SLC38A4: variants seen among roughly 807,000 people sequenced by gnomAD.
The protein encoded by SLC38A4 is solute carrier family 38 member 4.
SLC38A4 carries 20 observed loss-of-function variants against 63.1 expected under a neutral mutation model. That is an observed-to-expected ratio of 0.32 (90% confidence interval 0.22 to 0.46). The LOEUF (loss-of-function observed/expected upper bound fraction) is 0.46, where lower values mean the gene tolerates loss of function less well. Among genes scored for constraint, SLC38A4 ranks in the 20% least tolerant of loss-of-function variants. The pLI is 1.00. For missense variants in SLC38A4, 526 were observed against 663.6 expected (o/e 0.79, Z 2.28); for synonymous variants, 230 against 225.5 (o/e 1.02, Z -0.18).
chr12:46,775,060 C>T lies in SLC38A4; in HGVS notation c.1288G>A (p.Val430Ile). 6.2e-7 allele frequency: 1 copy of T among 1,612,516 alleles called. No individual in the cohort carries two copies. Among genetic ancestry groups the T allele is most frequent in the Non-Finnish European group, 8.5e-7 (1 of 1,178,990 alleles). ...LVAVTLTVPIVLFPIRTSVIT... is the reference protein window; with the variant it reads ...LVAVTLTVPIILFPIRTSVIT... Reference sequence around the variant, plus strand: ...TCTTATGTACTTACTGGGAAGAGGACAATGGGCACAGTTAGTGTTACTGCC... The same window carrying T: ...TCTTATGTACTTACTGGGAAGAGGATAATGGGCACAGTTAGTGTTACTGCC... Residue 430 changes from valine to isoleucine, a missense_variant, in exon 14 of 17, where the codon GTC (valine) becomes ATC (isoleucine). Val to Ile is a conservative substitution (Grantham distance 29, BLOSUM62 3). Coordinates refer to ENST00000266579, the MANE Select transcript of SLC38A4 (RefSeq NM_018018.5).
At chr12:46,785,023 C>T in intron 6 of SLC38A4, 81 bp downstream of exon 6, 1 of 1,126,136 alleles carries the variant, frequency 8.9e-7, no homozygotes, top group Middle Eastern at 2.0e-4. Flanking sequence ...CTATAATCAT[C>T]CTAAGGTTAT....
upstream of SLC38A4, among the ~76,000 whole-genome samples, chr12:46,828,304 T>C (rs1302762668): frequency 1.3e-5 from 2 of 152,172 alleles, no homozygotes; most frequent in African/African-American, 4.8e-5. Flanking sequence ...TTTTTTATTT[T>C]TATTTTTGTT....
At chr12:46,807,365 G>T (rs1466540633) in intron 1 of SLC38A4, among the ~76,000 whole-genome samples, 1 of 151,718 alleles carries the variant, frequency 6.6e-6, no homozygotes, top group Admixed American at 6.6e-5. Flanking sequence ...TTTTACCGTA[G>T]ATTCATAAAC....
intron 14 of SLC38A4, among the ~76,000 whole-genome samples, chr12:46,771,887 G>A (rs958754146): frequency 4.6e-5 from 7 of 151,916 alleles, no homozygotes; most frequent in African/African-American, 1.4e-4. Flanking sequence ...GACACAAGTC[G>A]CTAGGAACCT....
chr12:46,815,687 G>A (rs1008617683), intron 1 of SLC38A4, among the ~76,000 whole-genome samples: 1 of 151,802 alleles, frequency 6.6e-6, no homozygotes, highest in Non-Finnish European at 1.5e-5. Context: ...TCAGAATAAC[G>A]ATCAAATATT....
chr12:46,800,317 T>A (rs1057294596), intron 2 of SLC38A4, among the ~76,000 whole-genome samples: 2 of 152,148 alleles, frequency 1.3e-5, no homozygotes, highest in African/African-American at 4.8e-5. Flanking sequence ...TTGTCATCAC[T>A]TTTAGACTAA....
At chr12:46,827,677 CA>C (rs1226926318), upstream of SLC38A4, among the ~76,000 whole-genome samples, 2 of 151,990 alleles carry the variant, frequency 1.3e-5, no homozygotes, top group Non-Finnish European at 1.5e-5. Context: ...CTCATAAAAG[CA>C]TAGAAGAACA....
At chr12:46,769,241 C>A in intron 15 of SLC38A4, 43 bp downstream of exon 15, 1 of 1,606,260 alleles carries the variant, frequency 6.2e-7, no homozygotes, top group Admixed American at 1.7e-5. Flanking sequence ...TTTAATGAGG[C>A]GTGAGTTTGG....
rs192529934 is a variant in SLC38A4 at position 46,783,648 on chromosome 12, G to A, written c.493+894C>T. 3.4e-3 allele frequency among the ~76,000 whole-genome samples: 513 copies of A among 152,142 alleles called. 1 individual carries two copies. Among genetic ancestry groups the A allele is most frequent in the African/African-American group, 0.012 (482 of 41,516 alleles). ...GCCATTTGATTGGACATGCAGAGTT[G>A]GGGAAAAGGAAACATTTACGCTGAC... On this transcript the variant is annotated intron_variant, in intron 7 of 16. Transcript: ENST00000266579.
intron 2 of SLC38A4, among the ~76,000 whole-genome samples, chr12:46,794,909 T>C (rs1208368778): frequency 6.6e-6 from 1 of 151,452 alleles, no homozygotes; most frequent in African/African-American, 2.4e-5. Flanking sequence ...TAAGGCAGCC[T>C]AAATGTATAT....
chr12:46,831,530 G>A (rs1168720711), intron 1 of SLC38A4, among the ~76,000 whole-genome samples: 1 of 152,236 alleles, frequency 6.6e-6, no homozygotes, highest in African/African-American at 2.4e-5. Flanking sequence ...CCGACCGCGC[G>A]GTAAGCCGCC....
At chr12:46,826,202 G>C (rs369198660), upstream of SLC38A4, among the ~76,000 whole-genome samples, 10 of 152,236 alleles carry the variant, frequency 6.6e-5, no homozygotes, top group African/African-American at 2.2e-4. Context: ...ATTAAATTAT[G>C]CCAAAACAAA....
chr12:46,780,007 T>C lies in SLC38A4; in HGVS notation c.517A>G (p.Ile173Val). 2 of 1,612,198 alleles carry C rather than the reference T, an allele frequency of 1.2e-6. No homozygotes were observed. The highest frequency in any genetic ancestry group is 2.2e-5 in the South Asian group (2 of 91,028). ...IGAMSSYLFIIKYELPEVIRA... is the reference protein window; with the variant it reads ...IGAMSSYLFIVKYELPEVIRA... ...ATTACTTCAGGTAGTTCATATTTAA[T>C]GATAAAGAGGTAGCTTGACATTGCT... is the stretch of plus-strand genomic sequence containing the variant. The change falls in exon 8 of 17, where the codon ATT becomes GTT. Residue 173 changes from isoleucine (I) to valine (V), a missense_variant. By Grantham distance (29) the Ile-to-Val change is conservative. Coordinates refer to ENST00000266579, the MANE Select transcript of SLC38A4 (RefSeq NM_018018.5).
chr12:46,769,268 C>T lies in SLC38A4; in HGVS notation c.1444+16G>A, dbSNP rs760710432. On this transcript the variant is annotated intron_variant, in intron 15 of 16. Transcript: ENST00000266579. ...TGAGTTTGGGTTGACCAAATTGAAG[C>T]CTTTCTGAAACTCACCTATGAATCC... 1 of 1,612,338 alleles carries T rather than the reference C, an allele frequency of 6.2e-7. No homozygotes were observed.
At chr12:46,794,976 G>A (rs573816732) in intron 2 of SLC38A4, among the ~76,000 whole-genome samples, 2 of 151,348 alleles carry the variant, frequency 1.3e-5, no homozygotes, top group African/African-American at 4.8e-5. Context: ...AGTAAGACAT[G>A]CATATGGGTA....
chr12:46,774,656 G>C (rs1042183927), intron 14 of SLC38A4, among the ~76,000 whole-genome samples: 41 of 151,522 alleles, frequency 2.7e-4, no homozygotes, highest in Non-Finnish European at 1.5e-5. Flanking sequence ...CAACAAACTG[G>C]AAAAAAAATG....
chr12:46,787,237 C>T (rs1329141143), intron 5 of SLC38A4, among the ~76,000 whole-genome samples: 1 of 152,214 alleles, frequency 6.6e-6, no homozygotes, highest in Non-Finnish European at 1.5e-5. Flanking sequence ...TGAGTAAAAA[C>T]AGACATGGGC....
chr12:46,784,575 C>G lies in SLC38A4; in HGVS notation c.460G>C (p.Ala154Pro). 5.0e-6 allele frequency: 8 copies of G among 1,612,866 alleles called. No individual in the cohort carries two copies. The highest frequency in any genetic ancestry group is 6.8e-6 in the Non-Finnish European group (8 of 1,179,344). ...KAFGWPGKIG[A>P]FVSITMQNIG... ...TTCTGCATTGTAATGGAAACAAAAG[C>G]TCCAATTTTTCCCGGCCATCCAAAT... Residue 154 changes from alanine (A) to proline (P), a missense_variant, in exon 7 of 17, where the codon GCT (alanine) becomes CCT (proline). Ala to Pro is a conservative substitution (Grantham distance 27). Transcript: ENST00000266579.
intron 15 of SLC38A4, 44 bp from the exon 16 acceptor site, chr12:46,768,451 G>A (rs1239883152): frequency 1.4e-6 from 2 of 1,438,274 alleles, no homozygotes; most frequent in Admixed American, 3.7e-5. Flanking sequence ...TTACCCAGCA[G>A]TTCCTAGCAA....
Sources: gnomAD v4.1 joint callset for allele counts (sites outside exome capture counted in the v4.1 genomes callset) on GRCh38, gnomAD v4.1.1 for gene constraint, MANE v1.5 for transcripts, NCBI Gene and HGNC (gene_info 2026-07-23, HGNC 2026-07-21) for gene names.